Variants in NFIA observed in about 807,000 individuals in gnomAD.
The protein encoded by NFIA is nuclear factor I A.
Under a neutral mutation model 62.8 loss-of-function variants are expected in NFIA, and 8 were observed. The ratio of observed to expected loss-of-function variants is 0.13; its 90% CI spans 0.07 to 0.23. The LOEUF is 0.23. Among genes scored for constraint, NFIA ranks in the 10% least tolerant of loss-of-function variants. NFIA has a pLI of 1.00. For missense variants in NFIA, 410 were observed against 642.1 expected, an observed-to-expected ratio of 0.64 and a Z score of 3.91; for synonymous variants, 235 against 238.1, an observed-to-expected ratio of 0.99 and a Z score of 0.12.
chr1:61,303,132 C>G (rs935180379), intron 3 of NFIA, among the ~76,000 whole-genome samples: 1 of 152,158 alleles, frequency 6.6e-6, no homozygotes, highest in African/African-American at 2.4e-5. Flanking sequence ...TCTTCATTCT[C>G]TTTTTATTGG....
At chr1:61,351,164 T>C (rs1420155260) in intron 4 of NFIA, among the ~76,000 whole-genome samples, 3 of 152,370 alleles carry the variant, frequency 2.0e-5, no homozygotes, top group Middle Eastern at 3.4e-3. Context: ...TTTTAACTTA[T>C]GATGAGTTTA....
chr1:61,286,285 G>A (rs564155994), intron 3 of NFIA, among the ~76,000 whole-genome samples: 31 of 151,826 alleles, frequency 2.0e-4, no homozygotes, highest in South Asian at 6.3e-4. Flanking sequence ...AAAATTAGCC[G>A]GGTGTGGTTG....
intron 10 of NFIA, among the ~76,000 whole-genome samples, chr1:61,444,644 AAAG>A (rs1207204128): frequency 6.6e-6 from 1 of 152,220 alleles, no homozygotes; most frequent in Non-Finnish European, 1.5e-5. Context: ...TACTCCTTTA[AAAG>A]AAGGAAACTA....
At chr1:61,174,209 G>A (rs937265423) in intron 2 of NFIA, among the ~76,000 whole-genome samples, 3 of 152,186 alleles carry the variant, frequency 2.0e-5, no homozygotes, top group African/African-American at 7.2e-5. Flanking sequence ...GCTAAATGTG[G>A]TTACTGAAGC....
intron 3 of NFIA, among the ~76,000 whole-genome samples, chr1:61,283,773 G>A (rs958061151): frequency 6.6e-6 from 1 of 151,810 alleles, no homozygotes; most frequent in African/African-American, 2.4e-5. Context: ...CTCCTCACAT[G>A]TATAGTAGAT....
intron 2 of NFIA, among the ~76,000 whole-genome samples, chr1:61,191,925 A>G (rs142806825): frequency 9.5e-4 from 145 of 151,924 alleles, no homozygotes; most frequent in Non-Finnish European, 1.6e-3. Flanking sequence ...CTTAAAATTT[A>G]CTAAAAATAA....
chr1:61,247,494 G>A (rs1390452660), intron 2 of NFIA, among the ~76,000 whole-genome samples: 1 of 152,148 alleles, frequency 6.6e-6, no homozygotes, highest in South Asian at 2.1e-4. Context: ...CTGGGTCCTC[G>A]TTAATGTCAT....
intron 2 of NFIA, among the ~76,000 whole-genome samples, chr1:61,227,236 G>A (rs528569332): frequency 1.3e-5 from 2 of 152,280 alleles, no homozygotes; most frequent in East Asian, 1.9e-4. Flanking sequence ...TTTATTTGCC[G>A]CTGGTTTCAA....
At chr1:61,177,879 T>C (rs961745138) in intron 2 of NFIA, among the ~76,000 whole-genome samples, 1 of 152,212 alleles carries the variant, frequency 6.6e-6, no homozygotes, top group African/African-American at 2.4e-5. Flanking sequence ...CAGTAGCCAC[T>C]CTTGCAAATC....
intron 2 of NFIA, among the ~76,000 whole-genome samples, chr1:61,175,745 ATG>A (rs1650299019): frequency 6.6e-6 from 1 of 152,226 alleles, no homozygotes. Flanking sequence ...CTACATCTTC[ATG>A]TGGTTGCCTT....
At chr1:61,237,928 G>T (rs1167940366) in intron 2 of NFIA, among the ~76,000 whole-genome samples, 1 of 152,094 alleles carries the variant, frequency 6.6e-6, no homozygotes, top group Non-Finnish European at 1.5e-5. Context: ...TATTATTATT[G>T]TTAGTATTTT....
At position 61,414,513 on chromosome 1, in the gene NFIA, G is replaced by C. The variant is rs76368339; in HGVS notation, c.1420+7786G>C. On this transcript the variant is annotated intron_variant, in intron 9 of 10. Coordinates refer to ENST00000403491, the MANE Select transcript of NFIA (RefSeq NM_001134673.4). ...ATGAGGATCTTTGCTTTAGCCCAAA[G>C]CTTCTTGGTTTTTTGGTTTTTTGTT... Among the ~76,000 whole-genome samples the C allele has an allele frequency of 4.0e-3, 605 of 149,680 alleles. 3 individuals carry two copies. The highest frequency in any genetic ancestry group is 0.013 in the African/African-American group (524 of 40,882).
At chr1:61,169,939 A>G (rs142276329) in intron 2 of NFIA, among the ~76,000 whole-genome samples, 23 of 152,292 alleles carry the variant, frequency 1.5e-4, no homozygotes, top group African/African-American at 5.5e-4. Flanking sequence ...AAATAAAAGT[A>G]ATGTTATTTG....
rs547643995 is a variant in NFIA at position 61,341,154 on chromosome 1, T to G, written c.700+8568T>G. ...TCTCGGCTCACTGCAAGCTCCACCTTCCGGGTTCACACCATTCTCCTGCCT... is the reference window on the plus strand; with the variant it reads ...TCTCGGCTCACTGCAAGCTCCACCTGCCGGGTTCACACCATTCTCCTGCCT... On this transcript the variant is annotated intron_variant, in intron 4 of 10. Coordinates refer to ENST00000403491, the MANE Select transcript of NFIA (RefSeq NM_001134673.4). Among the ~76,000 whole-genome samples the G allele has an allele frequency of 1.7e-3, 254 of 148,174 alleles. 1 individual carries two copies. The highest frequency in any genetic ancestry group is 2.7e-3 in the Non-Finnish European group (182 of 67,448).
chr1:61,242,241 G>C (rs1464223882), intron 2 of NFIA, among the ~76,000 whole-genome samples: 1 of 152,068 alleles, frequency 6.6e-6, no homozygotes, highest in Non-Finnish European at 1.5e-5. Context: ...GCTCAATAGG[G>C]ATCTCCAGGC....
intron 2 of NFIA, among the ~76,000 whole-genome samples, chr1:61,230,638 T>G (rs1206987201): frequency 6.6e-6 from 1 of 152,186 alleles, no homozygotes; most frequent in East Asian, 1.9e-4. Flanking sequence ...CTTTCTGAAA[T>G]AACAACTATT....
intron 2 of NFIA, among the ~76,000 whole-genome samples, chr1:61,241,907 A>G (rs1449336829): frequency 1.3e-5 from 2 of 152,158 alleles, no homozygotes; most frequent in Non-Finnish European, 2.9e-5. Flanking sequence ...TTCTTTAGAA[A>G]GGGGAAAAGC....
At chr1:61,365,436 A>G (rs1663536797) in intron 6 of NFIA, among the ~76,000 whole-genome samples, 1 of 152,184 alleles carries the variant, frequency 6.6e-6, no homozygotes, top group Admixed American at 6.5e-5. Context: ...ACAATTCTAG[A>G]TAGGTAGAAA....
intron 3 of NFIA, among the ~76,000 whole-genome samples, chr1:61,279,546 A>G (rs1412968543): frequency 6.6e-6 from 1 of 152,150 alleles, no homozygotes; most frequent in African/African-American, 2.4e-5. Context: ...GATGTCTTCA[A>G]AGTTTCACTT....
Sources: gnomAD v4.1 joint callset for allele counts (sites outside exome capture counted in the v4.1 genomes callset) on GRCh38, gnomAD v4.1.1 for gene constraint, MANE v1.5 for transcripts, NCBI Gene and HGNC (gene_info 2026-07-23, HGNC 2026-07-21) for gene names.